Variants in SREK1IP1 observed in about 807,000 individuals in gnomAD.
SREK1IP1 encodes the protein protein SREK1IP1.
Under a neutral mutation model 22.8 loss-of-function variants are expected in SREK1IP1, and 12 were observed. That is an observed-to-expected ratio of 0.53 (90% CI 0.34 to 0.85). The LOEUF (loss-of-function observed/expected upper bound fraction) is 0.85. SREK1IP1 is among the 40% of genes least tolerant of loss of function. SREK1IP1 has a pLI of 0.02. For synonymous variants in SREK1IP1, 53 were observed against 52.7 expected (o/e 1.01, Z -0.02); for missense variants, 147 against 171.8 (o/e 0.86, Z 0.81).
At chr5:64,744,434 C>T (rs1017805228) in intron 2 of SREK1IP1, among the ~76,000 whole-genome samples, 2 of 152,260 alleles carry the variant, frequency 1.3e-5, no homozygotes, top group South Asian at 4.2e-4. Flanking sequence ...TGTCTCATGA[C>T]CCTCAGTAGA....
intron 2 of SREK1IP1, among the ~76,000 whole-genome samples, chr5:64,744,635 G>A (rs1241304542): frequency 6.6e-6 from 1 of 152,046 alleles, no homozygotes; most frequent in East Asian, 1.9e-4. Context: ...TCAAATATGT[G>A]TTTTTTCCTT....
chr5:64,738,390 T>C (rs1252101707), intron 3 of SREK1IP1, among the ~76,000 whole-genome samples: 6 of 152,178 alleles, frequency 3.9e-5, no homozygotes, highest in Admixed American at 3.9e-4. Flanking sequence ...TGAAAGAATA[T>C]TGTTAAAATG....
At chr5:64,733,831 T>G (rs1178190861) in intron 3 of SREK1IP1, among the ~76,000 whole-genome samples, 6 of 152,142 alleles carry the variant, frequency 3.9e-5, no homozygotes, top group Non-Finnish European at 8.8e-5. Flanking sequence ...TTAGTCAGTC[T>G]GTAGAGAATT....
chr5:64,735,188 A>G (rs1317268374), intron 3 of SREK1IP1, among the ~76,000 whole-genome samples: 1 of 151,896 alleles, frequency 6.6e-6, no homozygotes, highest in Non-Finnish European at 1.5e-5. Flanking sequence ...CTTAAATACC[A>G]TGAATTACAC....
intron 4 of SREK1IP1, chr5:64,727,553 A>ATATATATATATTTTTTTTTTTTTT: frequency 2.4e-5 from 2 of 84,714 alleles, no homozygotes; most frequent in African/African-American, 1.1e-4. Flanking sequence ...ATATATATAT[A>ATATATATATATTTTTTTTTTTTTT]TTTTTTTTTT....
intron 1 of SREK1IP1, among the ~76,000 whole-genome samples, chr5:64,755,718 A>C (rs1411969103): frequency 3.3e-5 from 5 of 152,198 alleles, no homozygotes; most frequent in Non-Finnish European, 5.9e-5. Context: ...AAATAAAAGA[A>C]AGTAAAAAAA....
rs1284298946 is a variant in SREK1IP1, at chr5:64,757,124, T to TTGAGG, written c.14-2767_14-2763dup. Among the ~76,000 whole-genome samples the TTGAGG allele has an allele frequency of 1.4e-4, 22 of 152,358 alleles. 2 individuals are homozygous for TTGAGG. The East Asian group carries it at 3.9e-3, about 27-fold the overall frequency. On this transcript the variant is annotated intron_variant, in intron 1 of 4. Transcript: ENST00000513458. ...TAATATTATTTTAAAGTATACATTA[T>TTGAGG]TGAGGTGGGGCATCATGGCGTACGC...
chr5:64,752,593 C>T (rs1386982974), intron 2 of SREK1IP1, among the ~76,000 whole-genome samples: 1 of 152,094 alleles, frequency 6.6e-6, no homozygotes, highest in Non-Finnish European at 1.5e-5. Context: ...GAAATAAGCT[C>T]TTTTTCTATC....
chr5:64,750,108 C>G lies in SREK1IP1; in HGVS notation c.61+4207G>C, dbSNP rs1742715212. On this transcript the variant is annotated intron_variant, in intron 2 of 4. Coordinates refer to ENST00000513458, the MANE Select transcript of SREK1IP1 (RefSeq NM_173829.4). ...AAGCCCTGCCACGAGATTGAATGGA[C>G]AGCCTAGGTTGTTGGATAGCTTTTC... Among the ~76,000 whole-genome samples, 4 of 152,276 alleles carry G rather than the reference C, an allele frequency of 2.6e-5. No individual in the cohort carries two copies. In the South Asian group the frequency reaches 8.3e-4, roughly 32 times the overall value.
intron 3 of SREK1IP1, among the ~76,000 whole-genome samples, chr5:64,730,350 GAGA>G (rs1432169072): frequency 6.6e-6 from 1 of 152,168 alleles, no homozygotes; most frequent in Non-Finnish European, 1.5e-5. Flanking sequence ...TAACTTTGAT[GAGA>G]AGTTTAGCTA....
At chr5:64,765,971 G>T (rs1743026259) in intron 1 of SREK1IP1, among the ~76,000 whole-genome samples, 1 of 152,224 alleles carries the variant, frequency 6.6e-6, no homozygotes, top group South Asian at 2.1e-4. Context: ...AAGATCACTA[G>T]AGCTGACTCG....
chr5:64,731,166 T>C (rs1391048579), intron 3 of SREK1IP1, among the ~76,000 whole-genome samples: 1 of 152,052 alleles, frequency 6.6e-6, no homozygotes, highest in African/African-American at 2.4e-5. Context: ...TCATTTTCAA[T>C]GATAAGGTGG....
intron 2 of SREK1IP1, among the ~76,000 whole-genome samples, chr5:64,751,476 C>T (rs1006934790): frequency 2.0e-5 from 3 of 152,046 alleles, no homozygotes; most frequent in African/African-American, 7.2e-5. Flanking sequence ...TCAGCAATGG[C>T]AATAAGACTG....
intron 2 of SREK1IP1, among the ~76,000 whole-genome samples, chr5:64,754,082 T>C (rs1323189809): frequency 6.6e-6 from 1 of 152,232 alleles, no homozygotes; most frequent in East Asian, 1.9e-4. Flanking sequence ...ACCTGTATCT[T>C]CATGCTACTT....
chr5:64,727,530 C>CATATATATATATATATATATATATAT (rs370322604), intron 4 of SREK1IP1: 2 of 117,452 alleles, frequency 1.7e-5, no homozygotes, highest in African/African-American at 8.0e-5. Flanking sequence ...CATATAATTA[C>CATATATATATATATATATATATATAT]ATATATATAT....
intron 4 of SREK1IP1, among the ~76,000 whole-genome samples, chr5:64,727,388 C>T (rs557587671): frequency 2.0e-5 from 3 of 148,170 alleles, no homozygotes; most frequent in Non-Finnish European, 3.0e-5. Flanking sequence ...CACAGGTGGC[C>T]GAAGACTGGA....
intron 3 of SREK1IP1, among the ~76,000 whole-genome samples, chr5:64,736,005 A>G (rs1257214834): frequency 6.6e-6 from 1 of 152,084 alleles, no homozygotes; most frequent in Non-Finnish European, 1.5e-5. Context: ...TAGTACTATA[A>G]GTTTGTCTCT....
At chr5:64,741,296 C>T in intron 2 of SREK1IP1, 96 bp from the exon 3 acceptor site, 2 of 1,125,892 alleles carry the variant, frequency 1.8e-6, no homozygotes, top group South Asian at 1.4e-5. Flanking sequence ...CAGTAAGTTA[C>T]AATTTCAATA....
intron 1 of SREK1IP1, among the ~76,000 whole-genome samples, chr5:64,760,654 G>C (rs1297100940): frequency 1.3e-5 from 2 of 152,168 alleles, no homozygotes; most frequent in Non-Finnish European, 2.9e-5. Flanking sequence ...CTCCCACCCT[G>C]AATCTTTAAA....
Sources: gnomAD v4.1 joint callset for allele counts (sites outside exome capture counted in the v4.1 genomes callset) on GRCh38, gnomAD v4.1.1 for gene constraint, MANE v1.5 for transcripts, NCBI Gene and HGNC (gene_info 2026-07-23, HGNC 2026-07-21) for gene names.